The following ME3 variants were observed in gnomAD, a reference collection of about 807,000 sequenced individuals.
The protein encoded by ME3 is malic enzyme 3, also known as NADP-dependent malic enzyme, mitochondrial.
In ME3, 48 loss-of-function variants were observed where a neutral mutation model predicts 68.9. That is an observed-to-expected ratio of 0.70 (90% CI 0.55 to 0.89). ME3 has a LOEUF of 0.89. ME3 is among the 40% of genes least tolerant of loss of function. The pLI is 0.00. For synonymous variants in ME3, 320 were observed against 318.8 expected (o/e 1.00, Z -0.04); for missense variants, 675 against 797.4 (o/e 0.85, Z 1.85).
chr11:86,467,687 T>A (rs61904382), intron 7 of ME3, among the ~76,000 whole-genome samples: 14,322 of 130,006 alleles, frequency 0.11, 776 homozygotes, highest in South Asian at 0.18. Context: ...TCTCTCTCTC[T>A]CTCTCTCACA....
exon 7 of ME3, chr11:86,487,343 G>GAAC: frequency 6.2e-7 from 1 of 1,613,900 alleles, no homozygotes; most frequent in Non-Finnish European, 8.5e-7. Flanking sequence ...TTACTTGTCT[G>GAAC]TCACAGCCTG....
chr11:86,540,443 C>G (rs769897629), intron 4 of ME3, among the ~76,000 whole-genome samples: 16 of 152,118 alleles, frequency 1.1e-4, no homozygotes, highest in Non-Finnish European at 2.1e-4. Flanking sequence ...GAACCTGGTG[C>G]CACCCCCAGT....
At chr11:86,493,148 C>T (rs141403292) in intron 6 of ME3, among the ~76,000 whole-genome samples, 12 of 152,272 alleles carry the variant, frequency 7.9e-5, no homozygotes, top group Non-Finnish European at 1.6e-4. Flanking sequence ...AGAAGAAACC[C>T]TGCAATACCC....
intron 7 of ME3, among the ~76,000 whole-genome samples, chr11:86,467,689 T>A (rs987649): frequency 0.11 from 14,450 of 132,026 alleles, 798 homozygotes; most frequent in South Asian, 0.18. Flanking sequence ...TCTCTCTCTC[T>A]CTCTCACACA....
intron 2 of ME3, among the ~76,000 whole-genome samples, chr11:86,665,034 G>C (rs1421257492): frequency 6.6e-6 from 1 of 152,222 alleles, no homozygotes. Flanking sequence ...CAGGGTGAAA[G>C]AAGGGGCCTT....
At chr11:86,651,939 T>A (rs898492728) in intron 2 of ME3, among the ~76,000 whole-genome samples, 1 of 152,246 alleles carries the variant, frequency 6.6e-6, no homozygotes. Flanking sequence ...GAGAACCACA[T>A]GACGAATGCA....
rs368370554 is a variant in ME3 at position 86,575,599 on chromosome 11, G to T, written c.184-15776C>A. ...CAATCATTTCTGAGAGGACTTGGTT[G>T]CCTTTTAGAGGAGACAGAGATGAAG... On this transcript the variant is annotated intron_variant, in intron 2 of 14. Transcript: ENST00000543262. 8.4e-5 allele frequency among the ~76,000 whole-genome samples: 10 copies of T among 119,530 alleles called. 1 individual carries two copies. The South Asian group carries it at 1.9e-3, about 23-fold the overall frequency. The allele number at this position is 119,530 out of a possible 152,430, so 78.4% of individuals were successfully genotyped here.
chr11:86,568,147 C>T (rs1238309534), intron 2 of ME3, among the ~76,000 whole-genome samples: 1 of 152,196 alleles, frequency 6.6e-6, no homozygotes, highest in Non-Finnish European at 1.5e-5. Context: ...GGCTGATTCT[C>T]ACAGTCATAT....
chr11:86,564,119 C>G (rs1957364474), intron 2 of ME3, among the ~76,000 whole-genome samples: 1 of 152,160 alleles, frequency 6.6e-6, no homozygotes, highest in South Asian at 2.1e-4. Context: ...TCTCTGATTT[C>G]TTTCAGCAGG....
intron 2 of ME3, among the ~76,000 whole-genome samples, chr11:86,628,001 T>C (rs1445842782): frequency 1.3e-5 from 2 of 152,212 alleles, no homozygotes; most frequent in Admixed American, 6.5e-5. Flanking sequence ...CCAGTCACCA[T>C]GTGTGCGGTA....
intron 4 of ME3, among the ~76,000 whole-genome samples, chr11:86,527,029 G>A (rs12808738): frequency 0.17 from 25,507 of 152,174 alleles, 2,337 homozygotes; most frequent in African/African-American, 0.24. Context: ...GACTTTGACA[G>A]GTTGAGAGAA....
At chr11:86,654,810 C>T (rs1945742672) in intron 2 of ME3, among the ~76,000 whole-genome samples, 1 of 152,092 alleles carries the variant, frequency 6.6e-6, no homozygotes, top group Admixed American at 6.5e-5. Flanking sequence ...TCAAATTGTC[C>T]CTGTTTGCAG....
chr11:86,533,533 C>G (rs1955415171), intron 4 of ME3, among the ~76,000 whole-genome samples: 1 of 152,080 alleles, frequency 6.6e-6, no homozygotes, highest in Admixed American at 6.5e-5. Context: ...AACCCAGGAC[C>G]AGACAGCTTC....
intron 2 of ME3, among the ~76,000 whole-genome samples, chr11:86,564,009 A>G (rs1957360489): frequency 6.6e-6 from 1 of 152,166 alleles, no homozygotes; most frequent in Non-Finnish European, 1.5e-5. Flanking sequence ...TAATAGGAAT[A>G]GCATTGAATT....
Position 86,475,874 on chromosome 11 carries a change from T to TATATATAGAG in ME3, c.810-10675_810-10674insCTCTATATAT. Reference sequence around the variant, plus strand: ...CAGTATATATATATATATATATATATAGAGAGAGAGAGAGAGAGAGAGAGA... The same window carrying TATATATAGAG: ...CAGTATATATATATATATATATATATATATATAGAGAGAGAGAGAGAGAGAGAGAGAGAGA... On this transcript the variant is annotated intron_variant, in intron 7 of 14. Transcript: ENST00000543262. 7.8e-4 allele frequency among the ~76,000 whole-genome samples: 71 copies of TATATATAGAG among 91,466 alleles called. 2 individuals carry two copies. Among genetic ancestry groups the TATATATAGAG allele is most frequent in the African/African-American group, 1.6e-3 (33 of 20,004 alleles). 60.0% of individuals were successfully genotyped at this position (91,466 alleles called of 152,430 possible). A position where few individuals can be genotyped will look rare whatever the true frequency, so the allele number is the denominator to read the frequency against.
intron 2 of ME3, among the ~76,000 whole-genome samples, chr11:86,656,487 C>G (rs1429964931): frequency 1.3e-5 from 2 of 151,350 alleles, no homozygotes; most frequent in African/African-American, 4.9e-5. Context: ...TCTCAGCAAA[C>G]CATCGCAAGG....
chr11:86,543,087 T>C (rs551940125), intron 4 of ME3, among the ~76,000 whole-genome samples: 99 of 152,308 alleles, frequency 6.5e-4, no homozygotes, highest in African/African-American at 2.4e-3. Context: ...TAAAATCCTT[T>C]ACAGACAAGC....
downstream of ME3, among the ~76,000 whole-genome samples, chr11:86,437,482 A>C (rs1948904347): frequency 6.6e-6 from 1 of 152,142 alleles, no homozygotes; most frequent in Non-Finnish European, 1.5e-5. Flanking sequence ...TTTTAGAATC[A>C]GCCTGTAAGT....
chr11:86,619,860 C>T (rs987393034), intron 2 of ME3, among the ~76,000 whole-genome samples: 2 of 152,150 alleles, frequency 1.3e-5, no homozygotes, highest in African/African-American at 4.8e-5. Context: ...TTAATTAGGG[C>T]AGCAAATTCA....
Sources: allele counts gnomAD v4.1 joint callset (sites outside exome capture counted in the v4.1 genomes callset), GRCh38; gene constraint gnomAD v4.1.1; transcripts MANE v1.5; gene names NCBI Gene and HGNC (gene_info 2026-07-23, HGNC 2026-07-21).